STC1: variants seen among roughly 807,000 people sequenced by gnomAD.
STC1 encodes stanniocalcin 1, also known as stanniocalcin-1.
A neutral mutation model predicts 22.6 loss-of-function variants in STC1; 7 were observed. That is an observed-to-expected ratio of 0.31 (90% CI 0.18 to 0.58). The LOEUF (loss-of-function observed/expected upper bound fraction) is 0.58, where lower values mean the gene tolerates loss of function less well. STC1 is among the 20% of genes least tolerant of loss of function. The pLI is 0.89. For missense variants in STC1, 224 were observed against 311.0 expected (o/e 0.72, Z 2.10); for synonymous variants, 113 against 120.7 (o/e 0.94, Z 0.42).
chr8:23,850,442 G>A lies in STC1; in HGVS notation c.473+878C>T, dbSNP rs368159640. 2.6e-5 allele frequency among the ~76,000 whole-genome samples: 4 copies of A among 152,248 alleles called. No homozygotes were observed. In the South Asian group the frequency reaches 6.2e-4, roughly 24 times the overall value. ...ATATCACAGGGGGCTAAACTTGACC[G>A]GTCTGCACTGCCCCTGCCAGACCTC... On this transcript the variant is annotated intron_variant, in intron 3 of 3. Coordinates refer to ENST00000290271, the MANE Select transcript of STC1 (RefSeq NM_003155.3).
At chr8:23,854,323 C>T (rs973355152) in intron 1 of STC1, 83 bp downstream of exon 1, 2 of 1,246,454 alleles carry the variant, frequency 1.6e-6, no homozygotes, top group South Asian at 1.2e-5. Flanking sequence ...TCAAGATCAG[C>T]CGTCACAGAC....
At chr8:23,850,123 T>A (rs1802620581) in intron 3 of STC1, among the ~76,000 whole-genome samples, 2 of 152,224 alleles carry the variant, frequency 1.3e-5, no homozygotes, top group Admixed American at 6.5e-5. Flanking sequence ...AAAGAAATTT[T>A]ACACAGCGTT....
Position 23,854,705 on chromosome 8 carries a change from C to CGCTGCT in STC1, c.-188_-183dup, listed in dbSNP as rs774315422. ...ATGCTGCTGCTGCCACCGGTGCCTCCGCTGCTGCTGCTGCTGCCGCCGCTG... is the reference window on the plus strand; with the variant it reads ...ATGCTGCTGCTGCCACCGGTGCCTCCGCTGCTGCTGCTGCTGCTGCTGCCGCCGCTG... On this transcript the variant is annotated 5_prime_UTR_variant, in exon 1 of 4. Coordinates refer to ENST00000290271, the MANE Select transcript of STC1 (RefSeq NM_003155.3). 20 of 693,912 alleles carry CGCTGCT rather than the reference C, an allele frequency of 2.9e-5. No homozygotes were observed. Among genetic ancestry groups the CGCTGCT allele is most frequent in the South Asian group, 2.7e-4 (18 of 66,734 alleles). 43.0% of individuals were successfully genotyped at this position (693,912 alleles called of 1,614,324 possible).
In STC1 at chr8:23,844,819, T is replaced by C; in HGVS notation, c.695A>G (p.Glu232Gly). ...TTTGATGTGGGAGGGAGAGTCCTCCTCACCTCGGAGGTTCCTGAGGAGGAC... is the reference window on the plus strand; with the variant it reads ...TTTGATGTGGGAGGGAGAGTCCTCCCCACCTCGGAGGTTCCTGAGGAGGAC... ...LKVLLRNLRGEEDSPSHIKRT... is the reference protein window; with the variant it reads ...LKVLLRNLRGGEDSPSHIKRT... The change falls in exon 4 of 4, where the codon GAG becomes GGG. Residue 232 changes from glutamate to glycine, a missense_variant. Coordinates refer to ENST00000290271, the MANE Select transcript of STC1 (RefSeq NM_003155.3). The C allele has an allele frequency of 6.2e-7, 1 of 1,614,126 alleles. No individual in the cohort carries two copies. The highest frequency in any genetic ancestry group is 8.5e-7 in the Non-Finnish European group (1 of 1,180,010).
At chr8:23,852,763 A>C (rs967215073) in intron 1 of STC1, among the ~76,000 whole-genome samples, 3 of 152,206 alleles carry the variant, frequency 2.0e-5, no homozygotes, top group Non-Finnish European at 4.4e-5. Flanking sequence ...GGAAGGAGAC[A>C]GTGGCTAGTG....
intron 3 of STC1, among the ~76,000 whole-genome samples, chr8:23,845,621 C>T (rs1190656638): frequency 6.6e-6 from 1 of 152,028 alleles, no homozygotes; most frequent in Non-Finnish European, 1.5e-5. Flanking sequence ...AAGGCCCCCT[C>T]TTCTGTGTGC....
At chr8:23,850,509 C>T (rs1227323252) in intron 3 of STC1, among the ~76,000 whole-genome samples, 1 of 152,176 alleles carries the variant, frequency 6.6e-6, no homozygotes, top group Admixed American at 6.5e-5. Context: ...TGCTGGGAAC[C>T]TTTCCAGGCC....
At chr8:23,851,283 A>G (rs374708644) in intron 3 of STC1, 37 bp downstream of exon 3, 32 of 1,608,912 alleles carry the variant, frequency 2.0e-5, no homozygotes, top group Non-Finnish European at 2.7e-5. Flanking sequence ...ACCTGCTCCC[A>G]GTCCCCTGAT....
chr8:23,849,001 A>G (rs1249400578), intron 3 of STC1, among the ~76,000 whole-genome samples: 1 of 152,174 alleles, frequency 6.6e-6, no homozygotes, highest in Non-Finnish European at 1.5e-5. Flanking sequence ...GGTTGAAAGC[A>G]TAGTCTGCAA....
rs1802530916 is a variant in STC1, at chr8:23,842,928, T to C, written c.*1842A>G. The C allele has an allele frequency of 6.5e-6, 1 of 153,062 alleles. No individual in the cohort carries two copies. 9.5% of individuals were successfully genotyped at this position (153,062 alleles called of 1,614,324 possible). On this transcript the variant is annotated 3_prime_UTR_variant, in exon 4 of 4. Transcript: ENST00000290271. ...TCCTTGAGCAGCACGTTACTGGTTTTAAAGGCTTTATGGTAAAGTTGTATT... is the reference window on the plus strand; with the variant it reads ...TCCTTGAGCAGCACGTTACTGGTTTCAAAGGCTTTATGGTAAAGTTGTATT...
chr8:23,846,886 T>G (rs1203061837), intron 3 of STC1, among the ~76,000 whole-genome samples: 1 of 152,058 alleles, frequency 6.6e-6, no homozygotes, highest in Non-Finnish European at 1.5e-5. Context: ...TAAACAACTT[T>G]GCACCAGCAG....
chr8:23,844,663 G>A lies in STC1; in HGVS notation c.*107C>T, dbSNP rs1802549445. 7.6e-7 allele frequency: 1 copy of A among 1,307,890 alleles called. No individual in the cohort carries two copies. The highest frequency in any genetic ancestry group is 1.0e-6 in the Non-Finnish European group (1 of 961,024). The allele number at this position is 1,307,890 out of a possible 1,614,324, so 81.0% of individuals were successfully genotyped here. On this transcript the variant is annotated 3_prime_UTR_variant, in exon 4 of 4. Coordinates refer to ENST00000290271, the MANE Select transcript of STC1 (RefSeq NM_003155.3). The stretch of plus-strand genomic sequence containing the variant: ...TTTTCTTTAAGGGGGATAGAAAATA[G>A]GAACTACTTTAAAAAAATCAAACCA...
In STC1 at chr8:23,844,084, AGAT is replaced by A. The variant is rs1257917312; in HGVS notation, c.*683_*685del. 6.5e-6 allele frequency: 1 copy of A among 152,936 alleles called. No homozygotes were observed. Among genetic ancestry groups the A allele is most frequent in the African/African-American group, 2.4e-5 (1 of 41,454 alleles). The allele number at this position is 152,936 out of a possible 1,614,324, so 9.5% of individuals were successfully genotyped here. On this transcript the variant is annotated 3_prime_UTR_variant, in exon 4 of 4. Coordinates refer to ENST00000290271, the MANE Select transcript of STC1 (RefSeq NM_003155.3). ...TCTCTGGTTTTAAGACAATTGTTAA[AGAT>A]ACTTTTAAAGCTCTGAGCAGTTACA...
intron 3 of STC1, among the ~76,000 whole-genome samples, chr8:23,848,497 A>G (rs1269234631): frequency 2.2e-5 from 3 of 136,190 alleles, no homozygotes; most frequent in Non-Finnish European, 4.6e-5. Context: ...TCACCACTGT[A>G]CTCCAGCCTG....
chr8:23,854,208 C>G (rs1349168667), intron 1 of STC1, 198 bp downstream of exon 1: 1 of 1,110,856 alleles, frequency 9.0e-7, no homozygotes, highest in East Asian at 2.7e-5. Flanking sequence ...CGTCCAGCTT[C>G]TTCGTTTAGT....
At chr8:23,851,224 G>A (rs1802633819) in intron 3 of STC1, 96 bp downstream of exon 3, 11 of 1,162,836 alleles carry the variant, frequency 9.5e-6, no homozygotes, top group Non-Finnish European at 1.4e-5. Flanking sequence ...ATAAGAGCAT[G>A]ACTGTGGCAA....
Position 23,851,537 on chromosome 8 carries a change from A to G in STC1, c.262-6T>C, listed in dbSNP as rs936108627. ...TCTTTGACGAATGCTTTTCCCTGCC[A>G]TGGAGGAAGGACAAGAGGGAGGTCT... On this transcript the variant is annotated splice_polypyrimidine_tract_variant and splice_region_variant and intron_variant, in intron 2 of 3. Coordinates refer to ENST00000290271, the MANE Select transcript of STC1 (RefSeq NM_003155.3). The G allele has an allele frequency of 3.1e-5, 50 of 1,613,832 alleles. No individual in the cohort carries two copies. Among genetic ancestry groups the G allele is most frequent in the Non-Finnish European group, 4.1e-5 (48 of 1,179,936 alleles).
Position 23,844,684 on chromosome 8 carries a change from A to C in STC1, c.*86T>G. On this transcript the variant is annotated 3_prime_UTR_variant, in exon 4 of 4. Coordinates refer to ENST00000290271, the MANE Select transcript of STC1 (RefSeq NM_003155.3). ...AATAGGAACTACTTTAAAAAAATCAAACCAGGCACAGTACACTCAAAACTG... is the reference window on the plus strand; with the variant it reads ...AATAGGAACTACTTTAAAAAAATCACACCAGGCACAGTACACTCAAAACTG... 2.0e-6 allele frequency: 3 copies of C among 1,497,820 alleles called. No homozygotes were observed. Among genetic ancestry groups the C allele is most frequent in the Non-Finnish European group, 2.7e-6 (3 of 1,109,770 alleles). 92.8% of individuals were successfully genotyped at this position (1,497,820 alleles called of 1,614,324 possible).
At position 23,844,885 on chromosome 8, in the gene STC1, T is replaced by G; in HGVS notation, c.629A>C (p.Asp210Ala). Residue 210 changes from aspartate to alanine, a missense_variant, in exon 4 of 4, where the codon GAC (aspartate) becomes GCC (alanine). By Grantham distance (126) the Asp-to-Ala change is moderately radical (BLOSUM62 -2). Transcript: ENST00000290271. ...CTCATTGGTGCGTCTCCTGTTGAAGTCAGCTCGTGGGTGTGTTTGGGCACA... is the reference window on the plus strand; with the variant it reads ...CTCATTGGTGCGTCTCCTGTTGAAGGCAGCTCGTGGGTGTGTTTGGGCACA... ...DHCAQTHPRADFNRRRTNEPQ... is the reference protein window; with the variant it reads ...DHCAQTHPRAAFNRRRTNEPQ... The G allele has an allele frequency of 7.4e-6, 12 of 1,614,108 alleles. No homozygotes were observed. Among genetic ancestry groups the G allele is most frequent in the Non-Finnish European group, 1.0e-5 (12 of 1,180,030 alleles).
Sources: gnomAD v4.1 joint callset for allele counts (sites outside exome capture counted in the v4.1 genomes callset) on GRCh38, gnomAD v4.1.1 for gene constraint, MANE v1.5 for transcripts, NCBI Gene and HGNC (gene_info 2026-07-23, HGNC 2026-07-21) for gene names.